LINGO2: variants seen among roughly 807,000 people sequenced by gnomAD.
LINGO2 encodes leucine-rich repeat and immunoglobulin-like domain-containing nogo receptor-interacting protein 2.
Under a neutral mutation model 30.6 loss-of-function variants are expected in LINGO2, and 14 were observed. The observed-to-expected ratio is 0.46, with a 90% CI of 0.30 to 0.72. The LOEUF is 0.72. Ranked by LOEUF, LINGO2 falls within the 30% of genes least tolerant of loss-of-function variation. The pLI is 0.07. For synonymous variants in LINGO2, 317 were observed against 288.5 expected (o/e 1.10, Z -1.00); for missense variants, 729 against 751.7 (o/e 0.97, Z 0.35).
In LINGO2 at chr9:28,564,072, A is replaced by G. The variant is rs1823240042; in HGVS notation, c.-364-88047T>C. Among the ~76,000 whole-genome samples the G allele has an allele frequency of 2.6e-5, 4 of 152,306 alleles. No individual in the cohort carries two copies. In the South Asian group the frequency reaches 8.3e-4, roughly 32 times the overall value. ...CAAATAGATGCTTTATGAGACCATG[A>G]CTATTCAGAACCTTATTTTAGACAC... On this transcript the variant is annotated intron_variant, in intron 1 of 5. Transcript: ENST00000379992.
the LINGO2 span, among the ~76,000 whole-genome samples, chr9:29,179,158 A>AT: frequency 4.9e-5 from 5 of 101,634 alleles, no homozygotes; most frequent in South Asian, 7.2e-4. Flanking sequence ...TCTTACTGTA[A>AT]ATATATATAT....
chr9:28,846,388 T>TAAATAAATTAATAAATTATTTAGAA, the LINGO2 span, among the ~76,000 whole-genome samples: 12 of 149,642 alleles, frequency 8.0e-5, no homozygotes, highest in Admixed American at 2.0e-4. Flanking sequence ...TTTAGAATGC[T>TAAATAAATTAATAAATTATTTAGAA]TTTGCCATAA....
intron 2 of LINGO2, among the ~76,000 whole-genome samples, chr9:28,430,174 T>G (rs1823604073): frequency 6.6e-6 from 1 of 152,052 alleles, no homozygotes; most frequent in Non-Finnish European, 1.5e-5. Flanking sequence ...TTTCAATGAT[T>G]GTTGATTGAT....
intron 4 of LINGO2, among the ~76,000 whole-genome samples, chr9:28,186,987 AT>A (rs1819563755): frequency 1.3e-5 from 2 of 152,108 alleles, no homozygotes; most frequent in African/African-American, 4.8e-5. Context: ...TCTCACTTAT[AT>A]TTAAACAAGA....
intron 4 of LINGO2, among the ~76,000 whole-genome samples, chr9:28,093,396 G>A (rs570922161): frequency 2.6e-5 from 4 of 152,030 alleles, no homozygotes; most frequent in South Asian, 4.1e-4. Context: ...GAGGCAGACC[G>A]TGACACTGCA....
At chr9:28,952,398 T>C in the LINGO2 span, among the ~76,000 whole-genome samples, 1 of 152,174 alleles carries the variant, frequency 6.6e-6, no homozygotes, top group African/African-American at 2.4e-5. Flanking sequence ...ATATACAGCT[T>C]TCAAAATGGC....
the LINGO2 span, among the ~76,000 whole-genome samples, chr9:29,206,241 T>TA: frequency 1.3e-5 from 2 of 152,238 alleles, no homozygotes; most frequent in Non-Finnish European, 2.9e-5. Context: ...GGAGCATTTC[T>TA]AAGGATAAAC....
At chr9:28,455,289 A>G (rs1270407593) in intron 2 of LINGO2, among the ~76,000 whole-genome samples, 3 of 152,204 alleles carry the variant, frequency 2.0e-5, no homozygotes, top group South Asian at 2.1e-4. Context: ...ATACTAGATT[A>G]TTAAAATAGA....
At chr9:28,506,007 G>A (rs1820094807) in intron 1 of LINGO2, among the ~76,000 whole-genome samples, 1 of 151,758 alleles carries the variant, frequency 6.6e-6, no homozygotes, top group Non-Finnish European at 1.5e-5. Flanking sequence ...AACTCAACTT[G>A]AATAGTTGTA....
At chr9:28,045,110 C>T (rs564779494) in intron 4 of LINGO2, among the ~76,000 whole-genome samples, 2 of 151,864 alleles carry the variant, frequency 1.3e-5, no homozygotes, top group Admixed American at 6.6e-5. Flanking sequence ...AGACTTTTTC[C>T]CCCCCATCCT....
intron 4 of LINGO2, among the ~76,000 whole-genome samples, chr9:28,055,994 T>C (rs1354630283): frequency 6.6e-6 from 1 of 152,146 alleles, no homozygotes; most frequent in Non-Finnish European, 1.5e-5. Context: ...ACCTTCATTA[T>C]GAGACGAAAA....
At chr9:28,689,615 A>C in the LINGO2 span, among the ~76,000 whole-genome samples, 73 of 152,138 alleles carry the variant, frequency 4.8e-4, no homozygotes, top group Non-Finnish European at 9.8e-4. Flanking sequence ...AGTGGGGTGT[A>C]AATTAGTTTA....
At chr9:28,354,065 G>A (rs1371750884) in intron 3 of LINGO2, among the ~76,000 whole-genome samples, 1 of 152,050 alleles carries the variant, frequency 6.6e-6, no homozygotes, top group African/African-American at 2.4e-5. Context: ...TGACGAGTTA[G>A]TGGGTGCAGC....
chr9:28,759,844 T>A, the LINGO2 span, among the ~76,000 whole-genome samples: 1 of 152,000 alleles, frequency 6.6e-6, no homozygotes, highest in Non-Finnish European at 1.5e-5. Context: ...ATGATCAGAA[T>A]TATTCAAAAA....
intron 3 of LINGO2, among the ~76,000 whole-genome samples, chr9:28,296,819 G>A (rs980394806): frequency 1.3e-5 from 2 of 152,226 alleles, no homozygotes; most frequent in African/African-American, 4.8e-5. Context: ...TAAAATTTTT[G>A]TATTTATTGA....
chr9:29,206,008 A>G, the LINGO2 span, among the ~76,000 whole-genome samples: 1 of 152,196 alleles, frequency 6.6e-6, no homozygotes. Context: ...GCTTCTTTCA[A>G]GTAGCATATT....
the LINGO2 span, among the ~76,000 whole-genome samples, chr9:29,119,616 C>T: frequency 7.0e-3 from 743 of 105,860 alleles, 75 homozygotes; most frequent in East Asian, 0.18. Context: ...GACAGAGTTT[C>T]ACTCTGTTGC....
chr9:28,182,575 G>A (rs1819388539), intron 4 of LINGO2, among the ~76,000 whole-genome samples: 1 of 152,058 alleles, frequency 6.6e-6, no homozygotes, highest in Non-Finnish European at 1.5e-5. Context: ...TCTGACAAAG[G>A]TCTAACATCC....
chr9:27,967,719 T>C (rs889217836), intron 5 of LINGO2, among the ~76,000 whole-genome samples: 1 of 152,188 alleles, frequency 6.6e-6, no homozygotes, highest in Non-Finnish European at 1.5e-5. Context: ...TCTGTGTGCA[T>C]GTTTTTACAC....
Sources: gnomAD v4.1 joint callset for allele counts (sites outside exome capture counted in the v4.1 genomes callset) on GRCh38, gnomAD v4.1.1 for gene constraint, MANE v1.5 for transcripts, NCBI Gene and HGNC (gene_info 2026-07-23, HGNC 2026-07-21) for gene names.